Variants in SIPA1L1 observed in about 807,000 individuals in gnomAD.
SIPA1L1 encodes the protein signal-induced proliferation-associated 1-like protein 1.
A neutral mutation model predicts 162.7 loss-of-function variants in SIPA1L1; 26 were observed. The observed-to-expected ratio is 0.16, with a 90% CI of 0.12 to 0.22. The LOEUF is 0.22. Ranked by LOEUF, SIPA1L1 falls within the 10% of genes least tolerant of loss-of-function variation. The pLI, the probability that SIPA1L1 is intolerant of heterozygous loss-of-function variation, is 1.00. For missense variants in SIPA1L1, 1,874 were observed against 2,241.0 expected, an observed-to-expected ratio of 0.84 and a Z score of 3.31; for synonymous variants, 829 against 837.4, an observed-to-expected ratio of 0.99 and a Z score of 0.17.
At chr14:71,717,009 C>T (rs2083318669) in intron 17 of SIPA1L1, among the ~76,000 whole-genome samples, 1 of 152,214 alleles carries the variant, frequency 6.6e-6, no homozygotes, top group Non-Finnish European at 1.5e-5. Flanking sequence ...AAGTGATTCC[C>T]TTGCCTCAGC....
At chr14:71,662,855 A>G (rs944619171) in intron 10 of SIPA1L1, among the ~76,000 whole-genome samples, 7 of 152,170 alleles carry the variant, frequency 4.6e-5, no homozygotes, top group African/African-American at 7.2e-5. Flanking sequence ...AATTGACTAT[A>G]ATTGGGATGG....
chr14:71,496,497 CT>C (rs751104318), intron 2 of SIPA1L1, among the ~76,000 whole-genome samples: 1 of 151,980 alleles, frequency 6.6e-6, no homozygotes, highest in Non-Finnish European at 1.5e-5. Context: ...TATTTCAATC[CT>C]TCTAAATTTG....
chr14:71,737,603 G>A (rs868513967), intron 22 of SIPA1L1, among the ~76,000 whole-genome samples: 7 of 152,240 alleles, frequency 4.6e-5, no homozygotes, highest in Non-Finnish European at 7.4e-5. Flanking sequence ...CCACTAGCAC[G>A]GCATGATTAG....
At chr14:71,502,255 A>AAAAAAAATATATATATATATAT (rs67020418) in intron 2 of SIPA1L1, among the ~76,000 whole-genome samples, 7 of 97,548 alleles carry the variant, frequency 7.2e-5, no homozygotes, top group African/African-American at 2.7e-4. Flanking sequence ...AAAAAAAAAA[A>AAAAAAAATATATATATATATAT]ATATATATAT....
rs570600630 is a variant in SIPA1L1, at chr14:71,553,774, A to T, written c.-303+24404A>T. Among the ~76,000 whole-genome samples, 13 of 152,046 alleles carry T rather than the reference A, an allele frequency of 8.6e-5. No homozygotes were observed. In the South Asian group the frequency reaches 2.7e-3, roughly 32 times the overall value. On this transcript the variant is annotated intron_variant, in intron 4 of 23. Coordinates refer to ENST00000381232, the MANE Select transcript of SIPA1L1 (RefSeq NM_001386936.1). ...CATCATATACAATTCTTTTTTTTTC[A>T]TATAGAAAACAAATATCAGAATGTA...
intron 3 of SIPA1L1, among the ~76,000 whole-genome samples, chr14:71,516,873 G>A (rs541888870): frequency 4.6e-5 from 7 of 152,106 alleles, no homozygotes; most frequent in South Asian, 2.1e-4. Context: ...CTCAGGAGGC[G>A]GAGTCAGGAG....
chr14:71,528,986 C>T (rs2053170597), intron 3 of SIPA1L1, among the ~76,000 whole-genome samples: 1 of 151,962 alleles, frequency 6.6e-6, no homozygotes, highest in Admixed American at 6.6e-5. Context: ...GTGGCACACG[C>T]CTGTAATCTC....
intron 2 of SIPA1L1, among the ~76,000 whole-genome samples, chr14:71,503,483 T>A (rs964042301): frequency 3.3e-4 from 50 of 152,314 alleles, no homozygotes; most frequent in African/African-American, 1.2e-3. Flanking sequence ...GCAAATTCAG[T>A]TTCCTTATTT....
chr14:71,423,093 A>G (rs546697797), intron 2 of SIPA1L1, among the ~76,000 whole-genome samples: 10 of 152,182 alleles, frequency 6.6e-5, no homozygotes, highest in Non-Finnish European at 1.5e-4. Context: ...ACATTTTTTT[A>G]TGTGCTTATT....
At chr14:71,489,924 A>G (rs2049100098) in intron 2 of SIPA1L1, among the ~76,000 whole-genome samples, 1 of 152,162 alleles carries the variant, frequency 6.6e-6, no homozygotes, top group East Asian at 1.9e-4. Flanking sequence ...ATATGTTGCA[A>G]CTTAACATTA....
intron 7 of SIPA1L1, among the ~76,000 whole-genome samples, chr14:71,625,614 G>A (rs1267326763): frequency 6.6e-6 from 1 of 152,324 alleles, no homozygotes; most frequent in East Asian, 1.9e-4. Context: ...TTCTTCAAAA[G>A]ACTACTGACA....
chr14:71,591,937 A>G (rs906920634), intron 5 of SIPA1L1, among the ~76,000 whole-genome samples: 1 of 152,200 alleles, frequency 6.6e-6, no homozygotes, highest in Non-Finnish European at 1.5e-5. Context: ...AATAGGAACA[A>G]CGTTTATCTT....
rs188088323 is a variant in SIPA1L1 at position 71,553,368 on chromosome 14, C to T, written c.-303+23998C>T. The stretch of plus-strand genomic sequence containing the variant: ...GTTCTTTCAGTGTTTCTATATTTTT[C>T]GCCTGCTCCCATCACCATGGAGCTA... On this transcript the variant is annotated intron_variant, in intron 4 of 23. Transcript: ENST00000381232. Among the ~76,000 whole-genome samples, 476 of 152,248 alleles carry T rather than the reference C, an allele frequency of 3.1e-3. 4 individuals carry two copies. Among genetic ancestry groups the T allele is most frequent in the African/African-American group, 0.011 (445 of 41,540 alleles).
rs146893925 is a variant in SIPA1L1 at position 71,588,309 on chromosome 14, C to T, written c.437C>T (p.Ser146Leu). The T allele has an allele frequency of 1.2e-5, 20 of 1,613,694 alleles. No homozygotes were observed. Among genetic ancestry groups the T allele is most frequent in the Middle Eastern group, 3.3e-4 (2 of 6,082 alleles). Residue 146 changes from serine (S) to leucine (L), a missense_variant, in exon 5 of 24, where the codon TCG becomes TTG. Around this residue, in one of 5 missense-constraint regions of SIPA1L1, gnomAD observed 685 missense variants for 828.0 expected, o/e 0.83. Transcript: ENST00000381232. The surrounding 1 kb of genome is among the most constrained non-coding windows in gnomAD (Gnocchi z 4.3). ...QNTLKNKTRP[S>L]ENMDSRFLMP... Reference sequence around the variant, plus strand: ...ACGCTGAAAAACAAGACAAGACCGTCGGAGAACATGGACTCCAGATTTCTC... The same window carrying T: ...ACGCTGAAAAACAAGACAAGACCGTTGGAGAACATGGACTCCAGATTTCTC...
chr14:71,685,835 G>T (rs753973809), intron 13 of SIPA1L1, among the ~76,000 whole-genome samples: 1 of 152,210 alleles, frequency 6.6e-6, no homozygotes, highest in Non-Finnish European at 1.5e-5. Flanking sequence ...AAAGCCTTCA[G>T]CTCTGCACAC....
chr14:71,339,213 C>T (rs1189936306), intron 2 of SIPA1L1, among the ~76,000 whole-genome samples: 1 of 152,102 alleles, frequency 6.6e-6, no homozygotes, highest in African/African-American at 2.4e-5. Context: ...CTCTTTTTTT[C>T]ATGGTTCTTT....
At chr14:71,474,295 T>C (rs962573335) in intron 2 of SIPA1L1, among the ~76,000 whole-genome samples, 5 of 152,216 alleles carry the variant, frequency 3.3e-5, no homozygotes, top group African/African-American at 9.7e-5. Flanking sequence ...AATTTAGTTA[T>C]TTTACATGGA....
chr14:71,499,740 G>A (rs1238655396), intron 2 of SIPA1L1, among the ~76,000 whole-genome samples: 2 of 152,086 alleles, frequency 1.3e-5, no homozygotes, highest in East Asian at 3.9e-4. Context: ...GTTTTGGGGG[G>A]CTTTTTTGAT....
At chr14:71,352,969 T>C (rs2036866720) in intron 2 of SIPA1L1, among the ~76,000 whole-genome samples, 1 of 152,204 alleles carries the variant, frequency 6.6e-6, no homozygotes, top group Non-Finnish European at 1.5e-5. Flanking sequence ...TTTGAACCAC[T>C]TTTTGGTGTG....
Sources: allele counts gnomAD v4.1 joint callset (sites outside exome capture counted in the v4.1 genomes callset), GRCh38; gene constraint gnomAD v4.1.1; regional missense constraint gnomAD v4.1.1; non-coding constraint Gnocchi (gnomAD v3.1); transcripts MANE v1.5; gene names NCBI Gene and HGNC (gene_info 2026-07-23, HGNC 2026-07-21).